The following CHODL variants were observed in gnomAD, a reference collection of about 807,000 sequenced individuals.
The protein encoded by CHODL is transmembrane protein MT75.
In CHODL, 29 loss-of-function variants were observed where a neutral mutation model predicts 34.5. The observed-to-expected ratio is 0.84, with a 90% CI of 0.63 to 1.15. CHODL has a LOEUF of 1.15. Among genes scored for constraint, CHODL ranks in the 50% most tolerant of loss-of-function variants. The pLI, the probability that CHODL is intolerant of heterozygous loss-of-function variation, is 0.00. For synonymous variants in CHODL, 125 were observed against 116.1 expected, an observed-to-expected ratio of 1.08 and a Z score of -0.49; for missense variants, 332 against 332.5, an observed-to-expected ratio of 1.00 and a Z score of 0.01.
chr21:17,956,288 C>T (rs530485234), intron 1 of CHODL, among the ~76,000 whole-genome samples: 1 of 124,264 alleles, frequency 8.0e-6, no homozygotes, highest in Non-Finnish European at 1.8e-5. Flanking sequence ...CACTCTCTCT[C>T]TCATGCTTCT....
intron 1 of CHODL, among the ~76,000 whole-genome samples, chr21:17,971,518 C>T (rs556871135): frequency 2.2e-4 from 33 of 152,206 alleles, no homozygotes; most frequent in African/African-American, 7.9e-4. Context: ...GTTTGTTGGC[C>T]ACATACATGT....
intron 1 of CHODL, among the ~76,000 whole-genome samples, chr21:17,942,345 G>C (rs1432004200): frequency 6.6e-6 from 1 of 152,064 alleles, no homozygotes; most frequent in Non-Finnish European, 1.5e-5. Flanking sequence ...TCTTTTCTGG[G>C]CTAAACTCAT....
chr21:18,210,209 A>G (rs7277077), intron 2 of CHODL, among the ~76,000 whole-genome samples: 23,689 of 151,820 alleles, frequency 0.16, 2,372 homozygotes, highest in African/African-American at 0.28. Flanking sequence ...TGGTCTAAAC[A>G]CTCCCTTTGT....
In CHODL at chr21:18,233,919, A is replaced by G. The variant is rs182409083; in HGVS notation, c.-44-22590A>G. 3.4e-3 allele frequency among the ~76,000 whole-genome samples: 519 copies of G among 152,300 alleles called. 5 individuals carry two copies. Among genetic ancestry groups the G allele is most frequent in the African/African-American group, 0.012 (494 of 41,576 alleles). ...CGTAACTTCTTAAAACATATAATGC[A>G]GAATGCATAATATTTTAATTTTTTG... On this transcript the variant is annotated intron_variant, in intron 2 of 6. Coordinates refer to the CHODL transcript ENST00000400127.
intron 1 of CHODL, among the ~76,000 whole-genome samples, chr21:18,015,447 A>G (rs767828468): frequency 1.3e-5 from 2 of 152,148 alleles, no homozygotes; most frequent in Admixed American, 6.5e-5. Context: ...TCTTGTCTTC[A>G]TAAATTAGCC....
intron 2 of CHODL, among the ~76,000 whole-genome samples, chr21:18,201,888 T>C (rs1253624458): frequency 6.9e-6 from 1 of 145,648 alleles, no homozygotes; most frequent in Non-Finnish European, 1.5e-5. Flanking sequence ...CACTGGAAGC[T>C]CCGCCTCCCG....
intron 1 of CHODL, among the ~76,000 whole-genome samples, chr21:17,945,054 C>CA (rs34045487): frequency 0.4 from 60,374 of 150,808 alleles, 12,336 homozygotes; most frequent in East Asian, 0.61. Context: ...ACTAAAAATA[C>CA]AAAAAAAATT....
At chr21:17,927,068 A>ATATGTATATCTGTGTGTATG (rs983676868) in intron 1 of CHODL, among the ~76,000 whole-genome samples, 1 of 150,534 alleles carries the variant, frequency 6.6e-6, no homozygotes, top group African/African-American at 2.4e-5. Context: ...ATATGTATGT[A>ATATGTATATCTGTGTGTATG]TATGTATATC....
At chr21:17,923,752 T>C (rs568619509) in intron 1 of CHODL, among the ~76,000 whole-genome samples, 1 of 152,288 alleles carries the variant, frequency 6.6e-6, no homozygotes, top group South Asian at 2.1e-4. Flanking sequence ...TGAGCCACTG[T>C]GCCTGGCCAG....
intron 1 of CHODL, among the ~76,000 whole-genome samples, chr21:17,952,194 CAA>C (rs58511535): frequency 0.28 from 22,284 of 79,478 alleles, 1,523 homozygotes; most frequent in South Asian, 0.44. Context: ...TACTATGTCT[CAA>C]AAAAAAAAAA....
intron 2 of CHODL, among the ~76,000 whole-genome samples, chr21:18,158,838 T>TAAAAAAAAAAAAAAA (rs11423104): frequency 8.2e-6 from 1 of 121,242 alleles, no homozygotes. Context: ...AACTCCGTCT[T>TAAAAAAAAAAAAAAA]AAAAAAAAAA....
At chr21:18,046,399 G>A (rs2064443828) in intron 2 of CHODL, among the ~76,000 whole-genome samples, 1 of 151,902 alleles carries the variant, frequency 6.6e-6, no homozygotes, top group Admixed American at 6.6e-5. Flanking sequence ...GATGATGGTG[G>A]CACACACCCG....
At chr21:18,248,717 CAT>C (rs1276272439) in intron 1 of CHODL, among the ~76,000 whole-genome samples, 27 of 110,104 alleles carry the variant, frequency 2.5e-4, no homozygotes, top group African/African-American at 9.0e-4. Context: ...ATAATATATA[CAT>C]ATATATGTAT....
chr21:18,199,429 T>C (rs544962761), intron 2 of CHODL, among the ~76,000 whole-genome samples: 1 of 152,224 alleles, frequency 6.6e-6, no homozygotes, highest in South Asian at 2.1e-4. Flanking sequence ...TATTAACATC[T>C]TGATTAATGT....
At chr21:18,232,303 T>G (rs1601177180) in intron 2 of CHODL, among the ~76,000 whole-genome samples, 1 of 152,194 alleles carries the variant, frequency 6.6e-6, no homozygotes, top group South Asian at 2.1e-4. Context: ...CTTATTCCAT[T>G]TGGCTGTTAT....
intron 2 of CHODL, among the ~76,000 whole-genome samples, chr21:18,039,022 A>G (rs2064343896): frequency 6.6e-6 from 1 of 151,676 alleles, no homozygotes; most frequent in African/African-American, 2.4e-5. Context: ...GGGGATCGCA[A>G]GATGTCTTTC....
intron 2 of CHODL, among the ~76,000 whole-genome samples, chr21:18,092,837 A>G (rs1409906536): frequency 1.3e-5 from 2 of 152,220 alleles, no homozygotes; most frequent in African/African-American, 4.8e-5. Flanking sequence ...AATAGCCTCA[A>G]AAGGTCAAAC....
At chr21:17,944,998 C>G (rs923013494) in intron 1 of CHODL, among the ~76,000 whole-genome samples, 1 of 152,090 alleles carries the variant, frequency 6.6e-6, no homozygotes, top group Admixed American at 6.5e-5. Context: ...ATCACAGGGT[C>G]CGGAGATCGA....
At chr21:18,264,912 G>C (rs8127574) in intron 5 of CHODL, among the ~76,000 whole-genome samples, 41,662 of 151,912 alleles carry the variant, frequency 0.27, 7,961 homozygotes, top group African/African-American at 0.55. Flanking sequence ...AGCCGGAGAA[G>C]CGATGGGAGG....
Sources: gnomAD v4.1 joint callset for allele counts (sites outside exome capture counted in the v4.1 genomes callset) on GRCh38, gnomAD v4.1.1 for gene constraint, MANE v1.5 for transcripts, NCBI Gene and HGNC (gene_info 2026-07-23, HGNC 2026-07-21) for gene names.